Variants in GPR137B observed in about 807,000 individuals in gnomAD.
GPR137B encodes the protein G protein-coupled receptor 137B.
A neutral mutation model predicts 42.5 loss-of-function variants in GPR137B; 42 were observed. The observed-to-expected ratio is 0.99, with a 90% CI of 0.77 to 1.28. The LOEUF (loss-of-function observed/expected upper bound fraction) is 1.28, where lower values mean the gene tolerates loss of function less well. Ranked by LOEUF, GPR137B falls within the 50% of genes most tolerant of loss-of-function variation. The pLI is 0.00. For synonymous variants in GPR137B, 218 were observed against 209.7 expected (o/e 1.04, Z -0.34); for missense variants, 487 against 493.9 (o/e 0.99, Z 0.13).
intron 2 of GPR137B, among the ~76,000 whole-genome samples, chr1:236,175,619 C>A (rs1434475865): frequency 6.6e-6 from 1 of 152,122 alleles, no homozygotes; most frequent in Non-Finnish European, 1.5e-5. Flanking sequence ...AGCGGCCCTG[C>A]CTTTGTCTCT....
At chr1:236,188,231 G>T (rs10802377) in intron 5 of GPR137B, among the ~76,000 whole-genome samples, 2 of 151,954 alleles carry the variant, frequency 1.3e-5, no homozygotes, top group Non-Finnish European at 2.9e-5. Context: ...GGCTGAGACA[G>T]TGGGGTTTTC....
chr1:236,166,485 TA>T (rs1426732665), intron 1 of GPR137B, among the ~76,000 whole-genome samples: 2 of 125,292 alleles, frequency 1.6e-5, no homozygotes, highest in East Asian at 6.7e-4. Context: ...TATATATATT[TA>T]TATATACATA....
At position 236,178,907 on chromosome 1, in the gene GPR137B, C is replaced by T. The variant is rs1662785219; in HGVS notation, c.687+271C>T. 3.4e-5 allele frequency among the ~76,000 whole-genome samples: 5 copies of T among 148,934 alleles called. No homozygotes were observed. The South Asian group carries it at 1.1e-3, about 32-fold the overall frequency. On this transcript the variant is annotated intron_variant, in intron 3 of 6. Coordinates refer to ENST00000366592, the MANE Select transcript of GPR137B (RefSeq NM_003272.4). Reference sequence around the variant, plus strand: ...CCGCCTCCCAGGTTCACGCCATTCTCCTGCCTCAGCCTCCTGAGTAGCTGG... The same window carrying T: ...CCGCCTCCCAGGTTCACGCCATTCTTCTGCCTCAGCCTCCTGAGTAGCTGG...
intron 2 of GPR137B, among the ~76,000 whole-genome samples, chr1:236,176,307 C>T (rs1238572543): frequency 6.6e-6 from 1 of 152,174 alleles, no homozygotes; most frequent in Admixed American, 6.5e-5. Flanking sequence ...TCACAGCGCT[C>T]TCCATCATCA....
chr1:236,186,188 CA>C, intron 5 of GPR137B, among the ~76,000 whole-genome samples: 1 of 91,800 alleles, frequency 1.1e-5, no homozygotes, highest in South Asian at 3.0e-4. Context: ...TGATGGACAT[CA>C]TTTTTTTTTA....
chr1:236,188,467 A>C (rs78687159), intron 5 of GPR137B, among the ~76,000 whole-genome samples: 2,024 of 152,090 alleles, frequency 0.013, 53 homozygotes, highest in African/African-American at 0.047. Flanking sequence ...TTTGTCATAA[A>C]TAGCTATTAT....
At chr1:236,180,226 A>G in intron 4 of GPR137B, 198 bp downstream of exon 4, 1 of 551,534 alleles carries the variant, frequency 1.8e-6, no homozygotes, top group South Asian at 2.6e-5. Flanking sequence ...AATACCAAAT[A>G]CAACACAAAT....
At chr1:236,162,462 C>T (rs1420979172) in intron 1 of GPR137B, among the ~76,000 whole-genome samples, 1 of 152,152 alleles carries the variant, frequency 6.6e-6, no homozygotes, top group African/African-American at 2.4e-5. Context: ...TAGCAAAGAG[C>T]CTAACGTTAA....
intron 2 of GPR137B, among the ~76,000 whole-genome samples, chr1:236,170,408 A>G (rs1662498745): frequency 6.6e-6 from 1 of 152,192 alleles, no homozygotes; most frequent in Admixed American, 6.5e-5. Flanking sequence ...CAAGTTCAGA[A>G]AGTTCTGTGA....
chr1:236,202,119 A>G (rs1057221660), intron 5 of GPR137B, among the ~76,000 whole-genome samples: 1 of 152,080 alleles, frequency 6.6e-6, no homozygotes, highest in Admixed American at 6.5e-5. Flanking sequence ...TCTCCCAGCT[A>G]TAGATACCAG....
chr1:236,149,364 G>C (rs981877222), intron 1 of GPR137B, among the ~76,000 whole-genome samples: 1 of 152,136 alleles, frequency 6.6e-6, no homozygotes, highest in South Asian at 2.1e-4. Context: ...CCAGCCAGGC[G>C]TGCAGAGGCA....
chr1:236,197,187 T>G (rs1289494962), intron 5 of GPR137B, among the ~76,000 whole-genome samples: 2 of 152,218 alleles, frequency 1.3e-5, no homozygotes, highest in African/African-American at 2.4e-5. Context: ...TATCTTCTTT[T>G]GAGAATTGTC....
intron 1 of GPR137B, among the ~76,000 whole-genome samples, chr1:236,163,014 C>G (rs930086533): frequency 6.6e-6 from 1 of 152,172 alleles, no homozygotes; most frequent in Admixed American, 6.5e-5. Flanking sequence ...CACAGACACT[C>G]AACACCAGCC....
rs959733650 is a variant in GPR137B, at chr1:236,156,435, C to T, written c.415-12271C>T. On this transcript the variant is annotated intron_variant, in intron 1 of 6. Transcript: ENST00000366592. The surrounding 1 kb of genome is among the most constrained non-coding windows in gnomAD (Gnocchi z 4.8). ...TTCTGGCCAGTTACCTTCACTGCCA[C>T]GGACACAGGACTATGAGTGGGGCTG... Among the ~76,000 whole-genome samples the T allele has an allele frequency of 2.0e-5, 3 of 152,222 alleles. No individual in the cohort carries two copies. Among genetic ancestry groups the T allele is most frequent in the South Asian group, 4.1e-4 (2 of 4,824 alleles).
At position 236,142,574 on chromosome 1, in the gene GPR137B, G is replaced by A; in HGVS notation, c.-49G>A. 7.1e-6 allele frequency: 8 copies of A among 1,118,898 alleles called. No homozygotes were observed. The highest frequency in any genetic ancestry group is 9.2e-6 in the Non-Finnish European group (8 of 870,994). 69.3% of individuals were successfully genotyped at this position (1,118,898 alleles called of 1,614,324 possible). The stretch of plus-strand genomic sequence containing the variant: ...CTCCAGTCTCGGGGCTGCAGGCTGA[G>A]CGCGATGCGCGGAGACCCCCGCGGG... On this transcript the variant is annotated 5_prime_UTR_variant, in exon 1 of 7. Transcript: ENST00000366592.
At chr1:236,146,223 G>T (rs577560316) in intron 1 of GPR137B, among the ~76,000 whole-genome samples, 2 of 152,254 alleles carry the variant, frequency 1.3e-5, no homozygotes, top group African/African-American at 2.4e-5. Flanking sequence ...CTCCTGGAGC[G>T]CAAAATCAGG....
intron 3 of GPR137B, 35 bp from the exon 4 acceptor site, chr1:236,179,844 G>A: frequency 6.6e-7 from 1 of 1,514,246 alleles, no homozygotes. Flanking sequence ...TCTTGGACCT[G>A]GAGTGTCCCA....
intron 1 of GPR137B, among the ~76,000 whole-genome samples, chr1:236,162,886 C>A (rs1445091486): frequency 6.6e-6 from 1 of 152,210 alleles, no homozygotes; most frequent in Admixed American, 6.5e-5. Context: ...GGGTCGGAGC[C>A]CCCACACAGA....
chr1:236,169,668 C>T (rs1356049485), intron 2 of GPR137B, among the ~76,000 whole-genome samples: 1 of 152,012 alleles, frequency 6.6e-6, no homozygotes. Context: ...CTGCATTTTC[C>T]TATGGAGGGG....
Sources: gnomAD v4.1 joint callset for allele counts (sites outside exome capture counted in the v4.1 genomes callset) on GRCh38, gnomAD v4.1.1 for gene constraint, Gnocchi (gnomAD v3.1) non-coding constraint, MANE v1.5 for transcripts, NCBI Gene and HGNC (gene_info 2026-07-23, HGNC 2026-07-21) for gene names.